The following RNF121 variants were observed in gnomAD, a reference collection of about 807,000 sequenced individuals.
RNF121 encodes the protein E3 ubiquitin ligase RNF121.
In RNF121, 21 loss-of-function variants were observed where a neutral mutation model predicts 46.5. The ratio of observed to expected loss-of-function variants is 0.45; its 90% confidence interval spans 0.32 to 0.65. The LOEUF (loss-of-function observed/expected upper bound fraction) is 0.65, where lower values mean the gene tolerates loss of function less well. Among genes scored for constraint, RNF121 ranks in the 30% least tolerant of loss-of-function variants. The pLI is 0.04. For synonymous variants in RNF121, 139 were observed against 144.7 expected (o/e 0.96, Z 0.28); for missense variants, 346 against 416.0 (o/e 0.83, Z 1.46).
At position 71,982,872 on chromosome 11, in the gene RNF121, A is replaced by ACCTTCC; in HGVS notation, c.356_361dup (p.Phe120_Arg121insProPhe). The ACCTTCC allele has an allele frequency of 6.2e-7, 1 of 1,613,654 alleles. No individual in the cohort carries two copies. ...GTTCTCTGCTGTCACAGCCTTTGTT[A>ACCTTCC]CCTTCCGAGCCACCCGAAAACCTCT... On this transcript the variant is annotated inframe_insertion, in exon 4 of 9. Transcript: ENST00000361756.
intron 3 of RNF121, among the ~76,000 whole-genome samples, chr11:71,982,532 T>C (rs540181981): frequency 6.6e-6 from 1 of 151,982 alleles, no homozygotes; most frequent in African/African-American, 2.4e-5. Flanking sequence ...AGAGCTCAAA[T>C]GGAAAGGAAA....
chr11:71,947,766 G>GTGTC (rs1264038332), intron 1 of RNF121, among the ~76,000 whole-genome samples: 1 of 152,212 alleles, frequency 6.6e-6, no homozygotes, highest in Non-Finnish European at 1.5e-5. Context: ...AATCAGGTGT[G>GTGTC]TGTCTAATAA....
At chr11:71,993,350 G>C (rs1954903599) in intron 6 of RNF121, among the ~76,000 whole-genome samples, 1 of 152,124 alleles carries the variant, frequency 6.6e-6, no homozygotes, top group African/African-American at 2.4e-5. Flanking sequence ...CAGAAACTCT[G>C]CCCATTAAGC....
In RNF121 at chr11:71,995,632, T is replaced by TCC. The variant is rs1954959844; in HGVS notation, c.863+81_863+82insCC. The TCC allele has an allele frequency of 2.9e-5, 32 of 1,104,448 alleles. No individual in the cohort carries two copies. The South Asian group carries it at 4.1e-4, about 14-fold the overall frequency. The allele number at this position is 1,104,448 out of a possible 1,614,324, so 68.4% of individuals were successfully genotyped here. A position where few individuals can be genotyped will look rare whatever the true frequency, so the allele number is the denominator to read the frequency against. ...AGTGTGACCTGCATTTGGGTCCTCC[T>TCC]GGGGCCCTCACTTCTGCCCCCAACC... On this transcript the variant is annotated intron_variant, in intron 8 of 8. Transcript: ENST00000361756.
At chr11:71,938,750 C>T in intron 1 of RNF121, 1 of 153,244 alleles carries the variant, frequency 6.5e-6, no homozygotes, top group East Asian at 1.9e-4. Flanking sequence ...GGTTAAGGAA[C>T]AATTTTTTCC....
At chr11:71,960,348 C>T (rs1282451723) in intron 2 of RNF121, among the ~76,000 whole-genome samples, 4 of 152,156 alleles carry the variant, frequency 2.6e-5, no homozygotes, top group East Asian at 1.9e-4. Flanking sequence ...GGTGACTAAG[C>T]GTATGAGACT....
intron 3 of RNF121, among the ~76,000 whole-genome samples, chr11:71,976,124 G>A (rs944466376): frequency 3.3e-5 from 5 of 151,984 alleles, no homozygotes; most frequent in Non-Finnish European, 4.4e-5. Flanking sequence ...TCTTCTCCAG[G>A]CTTAATATCC....
rs3841467 is a variant in RNF121, at chr11:71,997,203, CGTGTGTGT to C, written c.*905_*912del. ...TCTTGAAAGCCTAAGAGTGCGTATG[CGTGTGTGT>C]GTGTGTGTGTGTGTGTACGTGAGGC... On this transcript the variant is annotated 3_prime_UTR_variant, in exon 9 of 9. Coordinates refer to ENST00000361756, the MANE Select transcript of RNF121 (RefSeq NM_018320.5). 8.7e-4 allele frequency: 131 copies of C among 150,244 alleles called. No homozygotes were observed. The highest frequency in any genetic ancestry group is 1.3e-3 in the Non-Finnish European group (89 of 67,438). 9.3% of individuals were successfully genotyped at this position (150,244 alleles called of 1,614,324 possible). A position where few individuals can be genotyped will look rare whatever the true frequency, so the allele number is the denominator to read the frequency against.
intron 2 of RNF121, 148 bp downstream of exon 2, chr11:71,957,412 A>G (rs774518691): frequency 3.0e-5 from 21 of 694,668 alleles, no homozygotes; most frequent in Middle Eastern, 3.5e-4. Flanking sequence ...CTCTCTAAGT[A>G]TCTGGGTTGC....
chr11:71,948,643 C>T (rs181188756), intron 1 of RNF121, among the ~76,000 whole-genome samples: 1 of 150,884 alleles, frequency 6.6e-6, no homozygotes, highest in Admixed American at 6.6e-5. Context: ...TCTACTTTCA[C>T]TTCACTGCCC....
At chr11:71,953,238 T>TA (rs1300966809) in intron 1 of RNF121, among the ~76,000 whole-genome samples, 1 of 152,152 alleles carries the variant, frequency 6.6e-6, no homozygotes, top group African/African-American at 2.4e-5. Flanking sequence ...CTCGCTGTGT[T>TA]ACCCAGGCTG....
At chr11:71,932,971 G>A (rs554997655) in intron 1 of RNF121, among the ~76,000 whole-genome samples, 94 of 152,256 alleles carry the variant, frequency 6.2e-4, no homozygotes, top group African/African-American at 2.2e-3. Flanking sequence ...CTCAGCTCAG[G>A]TATTAAACTG....
At chr11:71,962,926 T>G (rs982613260) in intron 3 of RNF121, among the ~76,000 whole-genome samples, 2 of 152,228 alleles carry the variant, frequency 1.3e-5, no homozygotes, top group African/African-American at 4.8e-5. Context: ...GATGTAGATG[T>G]CATTGTGGTG....
intron 2 of RNF121, among the ~76,000 whole-genome samples, chr11:71,960,355 G>T (rs965850482): frequency 6.6e-6 from 1 of 152,202 alleles, no homozygotes; most frequent in Non-Finnish European, 1.5e-5. Context: ...AAGCGTATGA[G>T]ACTTTATGTC....
intron 1 of RNF121, among the ~76,000 whole-genome samples, chr11:71,935,225 G>A (rs1953379008): frequency 6.6e-6 from 1 of 152,138 alleles, no homozygotes; most frequent in African/African-American, 2.4e-5. Flanking sequence ...GAGCCACTGC[G>A]CCCAGCCCTT....
chr11:71,989,029 A>G (rs1954818897), intron 5 of RNF121, among the ~76,000 whole-genome samples: 1 of 152,070 alleles, frequency 6.6e-6, no homozygotes, highest in South Asian at 2.1e-4. Context: ...AAAATAAAAT[A>G]AAAATCAAGA....
chr11:71,968,888 C>CTTTTT (rs10686485), intron 3 of RNF121, among the ~76,000 whole-genome samples: 15 of 134,616 alleles, frequency 1.1e-4, no homozygotes, highest in Non-Finnish European at 1.7e-4. Context: ...TTCTTTCTTT[C>CTTTTT]TTTTTTTTTT....
At chr11:71,981,014 G>A (rs576543421) in intron 3 of RNF121, among the ~76,000 whole-genome samples, 1 of 151,910 alleles carries the variant, frequency 6.6e-6, no homozygotes, top group East Asian at 1.9e-4. Context: ...TATTTCGTTT[G>A]GATAGCACTG....
At chr11:71,930,199 C>A (rs1292974734) in intron 1 of RNF121, among the ~76,000 whole-genome samples, 1 of 152,096 alleles carries the variant, frequency 6.6e-6, no homozygotes, top group Admixed American at 6.6e-5. Flanking sequence ...CTTGCACATG[C>A]CAGCATATGG....
Sources: allele counts gnomAD v4.1 joint callset (sites outside exome capture counted in the v4.1 genomes callset), GRCh38; gene constraint gnomAD v4.1.1; transcripts MANE v1.5; gene names NCBI Gene and HGNC (gene_info 2026-07-23, HGNC 2026-07-21).